The following FAAH2 variants were observed in gnomAD, a reference collection of about 807,000 sequenced individuals.
FAAH2 encodes fatty acid amide hydrolase 2, also known as fatty-acid amide hydrolase 2.
In FAAH2, 60 loss-of-function variants were observed where a neutral mutation model predicts 36.9. That is an observed-to-expected ratio of 1.63 (90% CI 1.32 to 2.02). The LOEUF (loss-of-function observed/expected upper bound fraction) is 2.02. FAAH2 is among the 30% of genes most tolerant of loss of function. The probability of loss-of-function intolerance (pLI) is 0.00; values close to 1 mark genes in which losing one functional copy is unlikely to be tolerated. For missense variants in FAAH2, 689 were observed against 397.5 expected, an observed-to-expected ratio of 1.73 and a Z score of -6.23; for synonymous variants, 214 against 143.8, an observed-to-expected ratio of 1.49 and a Z score of -3.49.
At chrX:57,189,790 C>T in the FAAH2 span, among the ~76,000 whole-genome samples, 3 of 111,740 alleles carry the variant, frequency 2.7e-5, no homozygotes, top group South Asian at 3.7e-4. Flanking sequence ...CAGCCCGATG[C>T]CAGCCAGAGC....
chrX:57,403,540 C>T (rs887273172), intron 7 of FAAH2, among the ~76,000 whole-genome samples: 3 of 112,770 alleles, frequency 2.7e-5, no homozygotes, highest in Non-Finnish European at 5.6e-5. Flanking sequence ...CTACAAACAA[C>T]CGTTCTTATG....
At chrX:57,378,567 G>T in intron 5 of FAAH2, 84 bp from the exon 6 acceptor site, 2 of 1,124,229 alleles carry the variant, frequency 1.8e-6, no homozygotes, top group Non-Finnish European at 2.4e-6. Context: ...AAGTATTTAA[G>T]ATAGATTAAA....
chrX:57,122,739 T>A, the FAAH2 span, among the ~76,000 whole-genome samples: 3 of 112,138 alleles, frequency 2.7e-5, no homozygotes, highest in Non-Finnish European at 5.6e-5. Flanking sequence ...CAGATACTTA[T>A]GGTATTTGAA....
chrX:57,209,129 T>C, the FAAH2 span, among the ~76,000 whole-genome samples: 3 of 111,911 alleles, frequency 2.7e-5, no homozygotes, highest in Non-Finnish European at 5.6e-5. Context: ...AACCAAGTCC[T>C]GGAATTGGGG....
At chrX:57,458,753 C>T (rs1040271184) in intron 10 of FAAH2, among the ~76,000 whole-genome samples, 2 of 111,739 alleles carry the variant, frequency 1.8e-5, no homozygotes, top group South Asian at 7.5e-4. Flanking sequence ...GTTCCCTAGC[C>T]AAGGGAAGCC....
At chrX:57,274,119 A>T in the FAAH2 span, among the ~76,000 whole-genome samples, 111 of 112,368 alleles carry the variant, frequency 9.9e-4, no homozygotes, top group Non-Finnish European at 7.5e-4. Flanking sequence ...ACCATCAGAG[A>T]ATACAATAAA....
At chrX:57,131,639 A>G in the FAAH2 span, among the ~76,000 whole-genome samples, 1 of 112,147 alleles carries the variant, frequency 8.9e-6, no homozygotes, top group Non-Finnish European at 1.9e-5. Flanking sequence ...TGCAAAGAGT[A>G]AAGAAGACTT....
chrX:57,288,399 G>A (rs1233457918), intron 1 of FAAH2, among the ~76,000 whole-genome samples: 3 of 94,065 alleles, frequency 3.2e-5, no homozygotes, highest in Non-Finnish European at 6.1e-5. Flanking sequence ...GCCTGGGCTG[G>A]AGTGCAGTGG....
intron 7 of FAAH2, among the ~76,000 whole-genome samples, chrX:57,427,352 A>T (rs1442582230): frequency 2.8e-4 from 31 of 109,016 alleles, no homozygotes; most frequent in Middle Eastern, 4.2e-3. Flanking sequence ...GAAACAATTT[A>T]AAAAAAAAAT....
At chrX:57,316,248 A>T (rs1161789497) in intron 3 of FAAH2, among the ~76,000 whole-genome samples, 1 of 111,818 alleles carries the variant, frequency 8.9e-6, no homozygotes, top group Non-Finnish European at 1.9e-5. Flanking sequence ...AAATGTAAAA[A>T]CATTTCATGT....
At chrX:57,313,475 A>C (rs967927615) in intron 3 of FAAH2, among the ~76,000 whole-genome samples, 2 of 110,089 alleles carry the variant, frequency 1.8e-5, no homozygotes, top group Non-Finnish European at 3.8e-5. Flanking sequence ...AAATAAATAA[A>C]TAAATAAATA....
In FAAH2 at chrX:57,446,783, C is replaced by T. The variant is rs2056683656; in HGVS notation, c.1117-145C>T. ...TTTGTGTGACTGAGTAATATTTTAT[C>T]AATAAATTTTATTTATGTATTCATC... On this transcript the variant is annotated intron_variant, in intron 8 of 10. Transcript: ENST00000374900. 3.4e-5 allele frequency: 14 copies of T among 417,313 alleles called. No homozygotes were observed. The South Asian group carries it at 5.8e-4, about 17-fold the overall frequency. The allele number at this position is 417,313 out of a possible 1,213,427, so 34.4% of individuals were successfully genotyped here.
At chrX:57,299,064 A>G (rs1569239449) in intron 2 of FAAH2, among the ~76,000 whole-genome samples, 1 of 111,842 alleles carries the variant, frequency 8.9e-6, no homozygotes, top group South Asian at 3.8e-4. Flanking sequence ...AAACTATTCC[A>G]ATCAATAGAA....
the FAAH2 span, among the ~76,000 whole-genome samples, chrX:57,156,565 A>G: frequency 8.9e-6 from 1 of 111,858 alleles, no homozygotes; most frequent in South Asian, 3.8e-4. Flanking sequence ...GTATTAAGTG[A>G]CCTAAGCCTG....
the FAAH2 span, among the ~76,000 whole-genome samples, chrX:57,259,127 G>A: frequency 9.0e-6 from 1 of 111,533 alleles, no homozygotes; most frequent in Non-Finnish European, 1.9e-5. Context: ...AGTGAAAACA[G>A]ATCTCTTATA....
At chrX:57,224,736 A>G in the FAAH2 span, among the ~76,000 whole-genome samples, 7 of 112,190 alleles carry the variant, frequency 6.2e-5, no homozygotes, top group Non-Finnish European at 1.3e-4. Flanking sequence ...TCATCACTTG[A>G]TGTGGACGCC....
At chrX:57,293,516 C>G (rs1435852021) in intron 2 of FAAH2, among the ~76,000 whole-genome samples, 1 of 111,581 alleles carries the variant, frequency 9.0e-6, no homozygotes, top group South Asian at 3.7e-4. Context: ...TATGTGATGC[C>G]AAGCTTACAT....
chrX:57,309,654 G>A (rs2052636244), intron 2 of FAAH2, among the ~76,000 whole-genome samples: 1 of 110,826 alleles, frequency 9.0e-6, no homozygotes, highest in Admixed American at 9.6e-5. Flanking sequence ...CCCTCCCTGT[G>A]TCCATGAGTC....
intron 10 of FAAH2, among the ~76,000 whole-genome samples, chrX:57,477,942 T>A (rs750858736): frequency 1.8e-5 from 2 of 112,146 alleles, no homozygotes; most frequent in South Asian, 3.7e-4. Flanking sequence ...AGTGCCACAA[T>A]AAACATACAT....
Sources: gnomAD v4.1 joint callset for allele counts (sites outside exome capture counted in the v4.1 genomes callset) on GRCh38, gnomAD v4.1.1 for gene constraint, MANE v1.5 for transcripts, NCBI Gene and HGNC (gene_info 2026-07-23, HGNC 2026-07-21) for gene names.